Variants in WWOX observed in about 807,000 individuals in gnomAD.
The protein encoded by WWOX is WW domain containing oxidoreductase, also known as WW domain-containing oxidoreductase.
Under a neutral mutation model 46.2 loss-of-function variants are expected in WWOX, and 69 were observed. That is an observed-to-expected ratio of 1.49 (90% CI 1.23 to 1.82). WWOX has a LOEUF of 1.82. WWOX is among the 40% of genes most tolerant of loss of function. The pLI, the probability that WWOX is intolerant of heterozygous loss-of-function variation, is 0.00. For synonymous variants in WWOX, 359 were observed against 202.6 expected, an observed-to-expected ratio of 1.77 and a Z score of -6.56; for missense variants, 919 against 542.6, an observed-to-expected ratio of 1.69 and a Z score of -6.89.
At chr16:78,852,837 G>C (rs921943050) in intron 8 of WWOX, among the ~76,000 whole-genome samples, 1 of 152,174 alleles carries the variant, frequency 6.6e-6, no homozygotes, top group Non-Finnish European at 1.5e-5. Context: ...ACATTTGTGG[G>C]CAGAAACTTT....
At chr16:79,028,878 C>T (rs146489338) in intron 8 of WWOX, among the ~76,000 whole-genome samples, 1 of 145,298 alleles carries the variant, frequency 6.9e-6, no homozygotes, top group Non-Finnish European at 1.5e-5. Flanking sequence ...GAGATCACTT[C>T]ACAGTTTCCT....
chr16:78,811,771 A>G lies in WWOX; in HGVS notation c.1056+379019A>G, dbSNP rs74031927. ...AACCTCTCCAGGGTCCCACACCCAGATACCATCCCACTGATGGTCAGGGCT... is the reference window on the plus strand; with the variant it reads ...AACCTCTCCAGGGTCCCACACCCAGGTACCATCCCACTGATGGTCAGGGCT... On this transcript the variant is annotated intron_variant, in intron 8 of 8. Coordinates refer to ENST00000566780, the MANE Select transcript of WWOX (RefSeq NM_016373.4). Among the ~76,000 whole-genome samples, 339 of 152,252 alleles carry G rather than the reference A, an allele frequency of 2.2e-3. 1 individual carries two copies. The highest frequency in any genetic ancestry group is 7.0e-3 in the African/African-American group (291 of 41,568).
At chr16:78,105,762 A>T (rs537386186) in intron 1 of WWOX, among the ~76,000 whole-genome samples, 1 of 152,284 alleles carries the variant, frequency 6.6e-6, no homozygotes, top group South Asian at 2.1e-4. Flanking sequence ...CTGCCTGCCA[A>T]CAAGGCTCAG....
chr16:78,896,610 A>T (rs2044705725), intron 8 of WWOX: 1 of 152,190 alleles, frequency 6.6e-6, no homozygotes, highest in African/African-American at 2.4e-5. Flanking sequence ...ACAAAGCTTG[A>T]TGTACTCAGA....
intron 5 of WWOX, among the ~76,000 whole-genome samples, chr16:78,375,320 C>A (rs1369885793): frequency 2.0e-5 from 3 of 152,214 alleles, no homozygotes; most frequent in Non-Finnish European, 1.5e-5. Flanking sequence ...CCTGAAGAAC[C>A]AGGAGAAATG....
At chr16:78,589,534 C>A (rs935239739) in intron 8 of WWOX, among the ~76,000 whole-genome samples, 2 of 152,170 alleles carry the variant, frequency 1.3e-5, no homozygotes, top group Non-Finnish European at 2.9e-5. Context: ...TCCACCTTGG[C>A]AGAACCTGCA....
At chr16:78,180,220 G>C (rs573500359) in intron 5 of WWOX, among the ~76,000 whole-genome samples, 1 of 152,114 alleles carries the variant, frequency 6.6e-6, no homozygotes, top group Non-Finnish European at 1.5e-5. Context: ...AACTTGCCTG[G>C]TCATTCTGGA....
chr16:78,906,055 CAT>C (rs2044955509), intron 8 of WWOX, among the ~76,000 whole-genome samples: 2 of 152,190 alleles, frequency 1.3e-5, no homozygotes, highest in Admixed American at 6.5e-5. Context: ...GAATGAATAA[CAT>C]AGGCTACAGT....
At chr16:78,497,770 C>T (rs1001711145) in intron 8 of WWOX, among the ~76,000 whole-genome samples, 3 of 151,932 alleles carry the variant, frequency 2.0e-5, no homozygotes, top group African/African-American at 7.3e-5. Flanking sequence ...CTGGAGATGT[C>T]ACCCTTAGCT....
intron 8 of WWOX, among the ~76,000 whole-genome samples, chr16:78,937,684 G>A (rs1453926301): frequency 6.6e-6 from 1 of 151,592 alleles, no homozygotes; most frequent in African/African-American, 2.4e-5. Context: ...GAGTGTAGTG[G>A]CATGACCTCG....
At chr16:78,619,407 CT>C (rs1190029112) in intron 8 of WWOX, among the ~76,000 whole-genome samples, 1 of 144,524 alleles carries the variant, frequency 6.9e-6, no homozygotes, top group Non-Finnish European at 1.5e-5. Flanking sequence ...AGGGCACACA[CT>C]CCAGGTGTAT....
At chr16:78,579,000 A>G (rs535979076) in intron 8 of WWOX, among the ~76,000 whole-genome samples, 3 of 152,258 alleles carry the variant, frequency 2.0e-5, no homozygotes, top group East Asian at 1.9e-4. Flanking sequence ...TAACATTAGT[A>G]TTACATTATA....
chr16:78,725,243 C>G (rs1256464390), intron 8 of WWOX, among the ~76,000 whole-genome samples: 1 of 152,136 alleles, frequency 6.6e-6, no homozygotes, highest in East Asian at 1.9e-4. Flanking sequence ...TGAGGTCTCC[C>G]CAGCCACGTG....
intron 8 of WWOX, among the ~76,000 whole-genome samples, chr16:78,804,063 C>T (rs1047562587): frequency 6.6e-6 from 1 of 152,126 alleles, no homozygotes; most frequent in Non-Finnish European, 1.5e-5. Flanking sequence ...CATCTGACTT[C>T]CCTCTCCTTC....
intron 8 of WWOX, among the ~76,000 whole-genome samples, chr16:78,700,533 G>C (rs941676923): frequency 2.0e-5 from 3 of 152,146 alleles, no homozygotes; most frequent in African/African-American, 7.2e-5. Context: ...CGTGCACAGA[G>C]GTGTGCCCCA....
At chr16:78,292,861 G>A (rs757483882) in intron 5 of WWOX, among the ~76,000 whole-genome samples, 18 of 152,150 alleles carry the variant, frequency 1.2e-4, no homozygotes, top group Non-Finnish European at 1.9e-4. Context: ...GGCTAGGAGG[G>A]TGAGGATTCC....
chr16:78,192,091 C>G (rs181008830), intron 5 of WWOX, among the ~76,000 whole-genome samples: 38 of 152,100 alleles, frequency 2.5e-4, no homozygotes, highest in Non-Finnish European at 5.1e-4. Context: ...CTATTACTAT[C>G]TAGGTGACAG....
At chr16:78,266,288 A>T (rs1169637897) in intron 5 of WWOX, among the ~76,000 whole-genome samples, 1 of 152,228 alleles carries the variant, frequency 6.6e-6, no homozygotes, top group Admixed American at 6.5e-5. Context: ...AAAAACTTTT[A>T]TTGAAATTCC....
Position 79,019,232 on chromosome 16 carries a change from G to A in WWOX, c.1057-192376G>A, listed in dbSNP as rs1282814360. ...CATCAGACTCAAAATGTGTCACTTA[G>A]CAGTGGGGATGCAATTCTGAGAAAT... On this transcript the variant is annotated intron_variant, in intron 8 of 8. Coordinates refer to ENST00000566780, the MANE Select transcript of WWOX (RefSeq NM_016373.4). Among the ~76,000 whole-genome samples, 4 of 142,060 alleles carry A rather than the reference G, an allele frequency of 2.8e-5. No individual in the cohort carries two copies. In the East Asian group the frequency reaches 8.7e-4, roughly 31 times the overall value. The allele number at this position is 142,060 out of a possible 152,430, so 93.2% of individuals were successfully genotyped here.
Sources: gnomAD v4.1 joint callset for allele counts (sites outside exome capture counted in the v4.1 genomes callset) on GRCh38, gnomAD v4.1.1 for gene constraint, MANE v1.5 for transcripts, NCBI Gene and HGNC (gene_info 2026-07-23, HGNC 2026-07-21) for gene names.